The following TPCN2 variants were observed in gnomAD, a reference collection of about 807,000 sequenced individuals.
The protein encoded by TPCN2 is two pore segment channel 2, also known as two pore channel protein 2.
Under a neutral mutation model 111.4 loss-of-function variants are expected in TPCN2, and 92 were observed. That is an observed-to-expected ratio of 0.83 (90% CI 0.70 to 0.98). The LOEUF (loss-of-function observed/expected upper bound fraction) is 0.98. Among genes scored for constraint, TPCN2 ranks in the 50% least tolerant of loss-of-function variants. TPCN2 has a pLI of 0.00. For missense variants in TPCN2, 995 were observed against 980.1 expected (o/e 1.02, Z -0.20); for synonymous variants, 405 against 414.5 (o/e 0.98, Z 0.28).
chr11:69,049,134 C>A (rs1397947856), intron 1 of TPCN2, 28 bp downstream of exon 1: 42 of 1,214,102 alleles, frequency 3.5e-5, no homozygotes, highest in Non-Finnish European at 4.1e-5. Flanking sequence ...GGGGAGGGGA[C>A]TGGCCCGGGA....
chr11:69,081,395 C>G lies in TPCN2; in HGVS notation c.1590-5C>G. On this transcript the variant is annotated splice_polypyrimidine_tract_variant and splice_region_variant and intron_variant, in intron 17 of 24. Transcript: ENST00000294309. The stretch of plus-strand genomic sequence containing the variant: ...TCCCAACCCGCCTCCCGTGTCTCTC[C>G]CCAGGAGGCCGGAGATGGTGGGCCT... The G allele has an allele frequency of 1.3e-6, 2 of 1,546,524 alleles. No homozygotes were observed. Among genetic ancestry groups the G allele is most frequent in the Non-Finnish European group, 1.7e-6 (2 of 1,146,446 alleles).
At chr11:69,082,609 T>A (rs1429612733) in intron 18 of TPCN2, among the ~76,000 whole-genome samples, 1 of 151,334 alleles carries the variant, frequency 6.6e-6, no homozygotes, top group Non-Finnish European at 1.5e-5. Context: ...CCATGTGAAC[T>A]CGTGCCCGGG....
chr11:69,055,831 C>T (rs949122847), intron 4 of TPCN2, among the ~76,000 whole-genome samples: 28 of 152,238 alleles, frequency 1.8e-4, no homozygotes, highest in Admixed American at 3.9e-4. Context: ...GAGGAGAGGT[C>T]CCAAGTGAAT....
chr11:69,060,751 G>A (rs1405424921), intron 5 of TPCN2, among the ~76,000 whole-genome samples: 2 of 152,212 alleles, frequency 1.3e-5, no homozygotes, highest in African/African-American at 4.8e-5. Context: ...TCCTGGGCAG[G>A]GGAGGGGACC....
chr11:69,071,459 C>T, intron 10 of TPCN2, 39 bp downstream of exon 10: 1 of 1,587,968 alleles, frequency 6.3e-7, no homozygotes, highest in Non-Finnish European at 8.6e-7. Context: ...CCTGGAGCTG[C>T]CGGGAGGCCA....
intron 1 of TPCN2, among the ~76,000 whole-genome samples, chr11:69,049,799 C>T (rs192531791): frequency 6.6e-6 from 1 of 152,238 alleles, no homozygotes; most frequent in Admixed American, 6.5e-5. Context: ...GAATCCGCCC[C>T]CCGAGGGTGG....
At chr11:69,086,670 C>T (rs1314966388) in intron 23 of TPCN2, 66 bp downstream of exon 23, 1 of 1,500,510 alleles carries the variant, frequency 6.7e-7, no homozygotes, top group South Asian at 1.1e-5. Context: ...CTCGATGGGC[C>T]TGAGGCCACC....
chr11:69,055,869 A>C (rs766022609), intron 4 of TPCN2, among the ~76,000 whole-genome samples: 1 of 152,172 alleles, frequency 6.6e-6, no homozygotes, highest in African/African-American at 2.4e-5. Flanking sequence ...TCCCTCCTCA[A>C]GGCTCACCCT....
In TPCN2 at chr11:69,083,929, C is replaced by G. The variant is rs1265054642; in HGVS notation, c.1690-16C>G. On this transcript the variant is annotated splice_polypyrimidine_tract_variant and intron_variant, in intron 18 of 24. Transcript: ENST00000294309. ...GGCCAGGAGGAGTAAGGGCTGTGCT[C>G]TCTTCCTGTCCTCAGCTGATGGCCG... 2 of 1,613,624 alleles carry G rather than the reference C, an allele frequency of 1.2e-6. No homozygotes were observed. Among genetic ancestry groups the G allele is most frequent in the Non-Finnish European group, 1.7e-6 (2 of 1,179,574 alleles).
At chr11:69,071,546 G>C in intron 10 of TPCN2, 126 bp downstream of exon 10, 1 of 815,230 alleles carries the variant, frequency 1.2e-6, no homozygotes, top group Non-Finnish European at 2.0e-6. Flanking sequence ...GGGCAGGGTT[G>C]CCACCTCTTG....
At chr11:69,062,778 GC>G in intron 5 of TPCN2, 105 bp from the exon 6 acceptor site, 4 of 1,037,564 alleles carry the variant, frequency 3.9e-6, no homozygotes, top group Non-Finnish European at 4.4e-6. Flanking sequence ...CTCTGGAGTG[GC>G]CCCCAGGGCA....
At chr11:69,055,918 G>C (rs1400917165) in intron 4 of TPCN2, among the ~76,000 whole-genome samples, 7 of 152,214 alleles carry the variant, frequency 4.6e-5, no homozygotes, top group Admixed American at 4.6e-4. Context: ...TGGGCGTGGG[G>C]CAGAAAGGGG....
Position 69,072,912 on chromosome 11 carries a change from C to T in TPCN2, c.1144-3C>T, listed in dbSNP as rs1855600946. ...CTGCTGACCTGTGCTCCTTCCTGTG[C>T]AGAAGGTGCGTTCCTATGGCAGTGT... On this transcript the variant is annotated splice_polypyrimidine_tract_variant and splice_region_variant and intron_variant, in intron 12 of 24. Transcript: ENST00000294309. 6.2e-7 allele frequency: 1 copy of T among 1,608,580 alleles called. No individual in the cohort carries two copies. Among genetic ancestry groups the T allele is most frequent in the Non-Finnish European group, 8.5e-7 (1 of 1,174,932 alleles).
At chr11:69,053,248 G>A (rs1216546043) in intron 1 of TPCN2, among the ~76,000 whole-genome samples, 4 of 152,230 alleles carry the variant, frequency 2.6e-5, no homozygotes, top group South Asian at 2.1e-4. Context: ...TGGTAAAGGC[G>A]GGCGGCCACC....
intron 8 of TPCN2, among the ~76,000 whole-genome samples, chr11:69,068,287 C>G: frequency 6.6e-6 from 1 of 150,456 alleles, no homozygotes; most frequent in East Asian, 1.9e-4. Flanking sequence ...CGTCTGAGTC[C>G]TAGGAAGTGA....
At chr11:69,049,262 T>C (rs1397706864) in intron 1 of TPCN2, among the ~76,000 whole-genome samples, 156 bp downstream of exon 1, 1 of 152,022 alleles carries the variant, frequency 6.6e-6, no homozygotes, top group Non-Finnish European at 1.5e-5. Context: ...GGCGAGCCGG[T>C]GTTCTGAGGG....
At chr11:69,076,586 C>A (rs1199214287) in intron 13 of TPCN2, among the ~76,000 whole-genome samples, 1 of 147,856 alleles carries the variant, frequency 6.8e-6, no homozygotes, top group African/African-American at 2.5e-5. Context: ...CTCTGTCCCT[C>A]CACCTGCCCT....
At position 69,062,888 on chromosome 11, in the gene TPCN2, T is replaced by C. The variant is rs200456521; in HGVS notation, c.551T>C (p.Leu184Pro). Residue 184 changes from leucine (L) to proline (P), a missense_variant, in exon 6 of 25, where the codon CTG (leucine) becomes CCG (proline). Transcript: ENST00000294309. ...VSLSLVCHEP[L>P]RIRRLLRPFF... ...AGTTTCCTGGGTCTCTTCCAGCCCCTGCGGATCCGCCGGCTTCTCCGTCCC... is the reference window on the plus strand; with the variant it reads ...AGTTTCCTGGGTCTCTTCCAGCCCCCGCGGATCCGCCGGCTTCTCCGTCCC... 48 of 1,613,866 alleles carry C rather than the reference T, an allele frequency of 3.0e-5. No homozygotes were observed. The highest frequency in any genetic ancestry group is 4.1e-5 in the Non-Finnish European group (48 of 1,179,812).
At chr11:69,077,496 A>C (rs1047599693) in intron 13 of TPCN2, among the ~76,000 whole-genome samples, 1 of 152,192 alleles carries the variant, frequency 6.6e-6, no homozygotes, top group Non-Finnish European at 1.5e-5. Flanking sequence ...ATCGAGGAGG[A>C]TGTCGGGAGC....
Sources: gnomAD v4.1 joint callset for allele counts (sites outside exome capture counted in the v4.1 genomes callset) on GRCh38, gnomAD v4.1.1 for gene constraint, MANE v1.5 for transcripts, NCBI Gene and HGNC (gene_info 2026-07-23, HGNC 2026-07-21) for gene names.